GLE1: variants seen among roughly 807,000 people sequenced by gnomAD.
GLE1 encodes the protein mRNA export factor GLE1.
GLE1 carries 78 observed loss-of-function variants against 97.3 expected under a neutral mutation model. The ratio of observed to expected loss-of-function variants is 0.80; its 90% CI spans 0.67 to 0.97. GLE1 has a LOEUF of 0.97. Among genes scored for constraint, GLE1 ranks in the 50% least tolerant of loss-of-function variants. The pLI is 0.00. For missense variants in GLE1, 753 were observed against 857.5 expected (o/e 0.88, Z 1.52); for synonymous variants, 302 against 313.4 (o/e 0.96, Z 0.39).
intron 12 of GLE1, among the ~76,000 whole-genome samples, chr9:128,537,610 C>T (rs1847756478): frequency 6.6e-6 from 1 of 151,984 alleles, no homozygotes; most frequent in African/African-American, 2.4e-5. Context: ...TTGAGACCAG[C>T]CTGGGCAACA....
intron 2 of GLE1, among the ~76,000 whole-genome samples, chr9:128,510,185 A>G (rs1846766326): frequency 6.6e-6 from 1 of 150,784 alleles, no homozygotes; most frequent in African/African-American, 2.4e-5. Context: ...AGCCTCCCGA[A>G]TAGCTGGGAC....
At chr9:128,540,901 A>G in intron 15 of GLE1, 1 of 595,280 alleles carries the variant, frequency 1.7e-6, no homozygotes, top group Non-Finnish European at 3.0e-6. Context: ...GAATAATAAG[A>G]GCATTTCATT....
At chr9:128,516,393 C>T (rs1846988371) in intron 3 of GLE1, among the ~76,000 whole-genome samples, 1 of 152,196 alleles carries the variant, frequency 6.6e-6, no homozygotes, top group Non-Finnish European at 1.5e-5. Flanking sequence ...CATCTCGGCT[C>T]ACCGCAAGCT....
rs764027047 is a variant in GLE1 at position 128,540,323 on chromosome 9, C to CA, written c.2015dup (p.Gln673AlafsTer74). On this transcript the variant is annotated frameshift_variant, in exon 15 of 16. Coordinates refer to ENST00000309971, the MANE Select transcript of GLE1 (RefSeq NM_001003722.2). LOFTEE classifies it high-confidence loss of function. ...GACAGATGGGCTCCTTCATACGCCT[C>CA]AAGCAGTTCTTGGAGGTAAGATGCC... The CA allele has an allele frequency of 1.9e-6, 3 of 1,608,344 alleles. No homozygotes were observed. The South Asian group carries it at 3.3e-5, about 18-fold the overall frequency.
chr9:128,522,730 A>G lies in GLE1; in HGVS notation c.495A>G (p.Ala165=), dbSNP rs139301061. 1.9e-6 allele frequency: 3 copies of G among 1,613,542 alleles called. No homozygotes were observed. The African/African-American group carries it at 4.0e-5, about 22-fold the overall frequency. ...ERKVQALSEM[A]SEQLKRFDEW... ...AGGTGCAAGCCCTCTCGGAGATGGC[A>G]TCTGAACAACTGAAGCGGTTTGATG... Residue 165 remains alanine (A), a synonymous_variant, in exon 4 of 16, where the codon GCA becomes GCG. Coordinates refer to ENST00000309971, the MANE Select transcript of GLE1 (RefSeq NM_001003722.2).
chr9:128,532,135 ACTGGAGATG>A (rs1345440040), intron 9 of GLE1, among the ~76,000 whole-genome samples: 2 of 150,744 alleles, frequency 1.3e-5, no homozygotes, highest in Non-Finnish European at 2.9e-5. Flanking sequence ...GTATTTCTCA[ACTGGAGATG>A]CTGTATTAAT....
intron 6 of GLE1, among the ~76,000 whole-genome samples, chr9:128,524,727 AC>A (rs1431719038): frequency 2.0e-5 from 3 of 151,256 alleles, no homozygotes; most frequent in Non-Finnish European, 4.4e-5. Context: ...CCCAGTCTCT[AC>A]TAAAAATACA....
At chr9:128,510,124 C>T (rs1244268394) in intron 2 of GLE1, among the ~76,000 whole-genome samples, 1 of 151,888 alleles carries the variant, frequency 6.6e-6, no homozygotes, top group Non-Finnish European at 1.5e-5. Flanking sequence ...GTGGCATGAA[C>T]ATGGCTCACT....
chr9:128,533,390 A>T, intron 9 of GLE1, 123 bp from the exon 10 acceptor site: 1 of 756,050 alleles, frequency 1.3e-6, no homozygotes, highest in Non-Finnish European at 2.1e-6. Flanking sequence ...AGATTGTGCC[A>T]CTGCACTCCA....
chr9:128,519,604 CAG>C (rs565129367), intron 3 of GLE1, among the ~76,000 whole-genome samples: 48 of 152,328 alleles, frequency 3.2e-4, no homozygotes, highest in African/African-American at 1.2e-3. Flanking sequence ...TTATCAATGA[CAG>C]TGGTGCCTGA....
At chr9:128,511,623 G>A (rs916276782) in intron 2 of GLE1, among the ~76,000 whole-genome samples, 3 of 150,688 alleles carry the variant, frequency 2.0e-5, no homozygotes, top group African/African-American at 7.3e-5. Context: ...GGAGAATGAT[G>A]TGAACGCGGG....
intron 12 of GLE1, 35 bp downstream of exon 12, chr9:128,536,519 G>C (rs750477572): frequency 3.2e-6 from 5 of 1,583,722 alleles, no homozygotes; most frequent in Admixed American, 3.3e-5. Context: ...ATAATGAGAG[G>C]TTAGACCACA....
chr9:128,525,444 G>A, intron 7 of GLE1, 21 bp downstream of exon 7: 1 of 1,400,678 alleles, frequency 7.1e-7, no homozygotes, highest in Non-Finnish European at 1.0e-6. Context: ...GTATGGATGT[G>A]GTCCTTTAAC....
At chr9:128,511,550 A>T (rs1429531001) in intron 2 of GLE1, among the ~76,000 whole-genome samples, 2 of 144,488 alleles carry the variant, frequency 1.4e-5, no homozygotes, top group East Asian at 4.0e-4. Context: ...TACTAAAAAT[A>T]AAAAAAAAAA....
intron 3 of GLE1, among the ~76,000 whole-genome samples, chr9:128,519,663 G>C (rs1331263003): frequency 6.6e-6 from 1 of 151,536 alleles, no homozygotes; most frequent in Non-Finnish European, 1.5e-5. Context: ...TGGTCCTGTG[G>C]TCCTGTGATC....
chr9:128,505,345 G>T (rs1400848729), intron 1 of GLE1, among the ~76,000 whole-genome samples: 1 of 152,156 alleles, frequency 6.6e-6, no homozygotes, highest in Non-Finnish European at 1.5e-5. Flanking sequence ...GAATGGGGGC[G>T]TGGTCACCGT....
Position 128,541,179 on chromosome 9 carries a change from C to T in GLE1, c.*9C>T, listed in dbSNP as rs780778654. ...CCTTCTGGCGCTCCTGATGTCACTCCATCACCCACCATCACCGCTGCTGCA... is the reference window on the plus strand; with the variant it reads ...CCTTCTGGCGCTCCTGATGTCACTCTATCACCCACCATCACCGCTGCTGCA... On this transcript the variant is annotated 3_prime_UTR_variant, in exon 16 of 16. Coordinates refer to ENST00000309971, the MANE Select transcript of GLE1 (RefSeq NM_001003722.2). The T allele has an allele frequency of 1.2e-5, 17 of 1,401,756 alleles. No individual in the cohort carries two copies. Among genetic ancestry groups the T allele is most frequent in the Middle Eastern group, 3.5e-4 (2 of 5,680 alleles). The allele number at this position is 1,401,756 out of a possible 1,614,324, so 86.8% of individuals were successfully genotyped here.
At chr9:128,520,981 C>T (rs1426094259) in intron 3 of GLE1, among the ~76,000 whole-genome samples, 1 of 151,922 alleles carries the variant, frequency 6.6e-6, no homozygotes, top group Non-Finnish European at 1.5e-5. Flanking sequence ...AGGCTGGTCT[C>T]GAACTCCTGG....
Position 128,541,029 on chromosome 9 carries a change from T to G in GLE1, c.2029-73T>G, listed in dbSNP as rs73669918. The G allele has an allele frequency of 1.4e-3, 1,229 of 889,228 alleles. 12 individuals carry two copies. In the African/African-American group the frequency reaches 0.017, roughly 13 times the overall value. The allele number at this position is 889,228 out of a possible 1,614,324, so 55.1% of individuals were successfully genotyped here. A position where few individuals can be genotyped will look rare whatever the true frequency, so the allele number is the denominator to read the frequency against. Reference sequence around the variant, plus strand: ...CTGAAATATGGTGTTCCTCAAAGCTTCTTTTAACCATTAAGTGTTGGGAAC... The same window carrying G: ...CTGAAATATGGTGTTCCTCAAAGCTGCTTTTAACCATTAAGTGTTGGGAAC... On this transcript the variant is annotated intron_variant, in intron 15 of 15. Coordinates refer to ENST00000309971, the MANE Select transcript of GLE1 (RefSeq NM_001003722.2).
Sources: allele counts gnomAD v4.1 joint callset (sites outside exome capture counted in the v4.1 genomes callset), GRCh38; gene constraint gnomAD v4.1.1; transcripts MANE v1.5; gene names NCBI Gene and HGNC (gene_info 2026-07-23, HGNC 2026-07-21).